Variants in UBE2D1 observed in about 807,000 individuals in gnomAD.
The protein encoded by UBE2D1 is ubiquitin conjugating enzyme E2 D1, also known as ubiquitin-conjugating enzyme E2 D1.
Under a neutral mutation model 24.6 loss-of-function variants are expected in UBE2D1, and 9 were observed. The observed-to-expected ratio is 0.37, with a 90% CI of 0.22 to 0.64. The LOEUF (loss-of-function observed/expected upper bound fraction) is 0.64. Among genes scored for constraint, UBE2D1 ranks in the 30% least tolerant of loss-of-function variants. The probability of loss-of-function intolerance (pLI) is 0.64; values close to 1 mark genes in which losing one functional copy is unlikely to be tolerated. For synonymous variants in UBE2D1, 57 were observed against 57.6 expected, an observed-to-expected ratio of 0.99 and a Z score of 0.04; for missense variants, 87 against 177.1, an observed-to-expected ratio of 0.49 and a Z score of 2.89.
intron 3 of UBE2D1, among the ~76,000 whole-genome samples, chr10:58,361,853 T>C (rs1168815633): frequency 6.6e-6 from 1 of 151,278 alleles, no homozygotes; most frequent in East Asian, 1.9e-4. Flanking sequence ...ATAATCATTC[T>C]CACATCCACA....
chr10:58,353,485 A>G (rs1840099035), intron 1 of UBE2D1, among the ~76,000 whole-genome samples: 1 of 152,172 alleles, frequency 6.6e-6, no homozygotes, highest in Non-Finnish European at 1.5e-5. Context: ...AGCAACCCAT[A>G]GCTGTGTCCT....
chr10:58,344,867 G>GTT (rs1304897036), intron 1 of UBE2D1, among the ~76,000 whole-genome samples: 6 of 130,678 alleles, frequency 4.6e-5, no homozygotes, highest in East Asian at 2.2e-4. Flanking sequence ...TAGTTTTTTT[G>GTT]TTTTTTTTTT....
chr10:58,368,471 G>T (rs1231231887), intron 6 of UBE2D1: 3 of 313,084 alleles, frequency 9.6e-6, no homozygotes, highest in Middle Eastern at 8.8e-4. Context: ...GTTAGAAGCT[G>T]GTTTCTGCAT....
chr10:58,361,660 T>C (rs1840200168), intron 3 of UBE2D1, 134 bp downstream of exon 3: 4 of 1,189,874 alleles, frequency 3.4e-6, no homozygotes, highest in Non-Finnish European at 3.6e-6. Context: ...CAAAATATTA[T>C]TAAGGATTTA....
chr10:58,368,008 CAAAGA>C lies in UBE2D1; in HGVS notation c.395_398+1del. ...ATATTGCACAAATCTATAAATCAGA[CAAAGA>C]AAAGTAAGTGTTTACTTATTTTAGT... On this transcript the variant is annotated frameshift_variant, in exon 6 of 7. Coordinates refer to ENST00000373910, the MANE Select transcript of UBE2D1 (RefSeq NM_003338.5). LOFTEE classifies it high-confidence loss of function. The C allele has an allele frequency of 1.2e-6, 2 of 1,606,550 alleles. No homozygotes were observed. The highest frequency in any genetic ancestry group is 1.7e-6 in the Non-Finnish European group (2 of 1,174,638).
chr10:58,352,591 G>GA (rs1379659741), intron 1 of UBE2D1, among the ~76,000 whole-genome samples: 9 of 149,100 alleles, frequency 6.0e-5, no homozygotes, highest in South Asian at 2.1e-4. Context: ...CTCTTAAATC[G>GA]AAAAAAAAAA....
intron 3 of UBE2D1, 71 bp from the exon 4 acceptor site, chr10:58,363,538 G>A: frequency 9.2e-7 from 1 of 1,088,744 alleles, no homozygotes; most frequent in Non-Finnish European, 1.3e-6. Flanking sequence ...GATAATATTT[G>A]GGGGAAATAA....
chr10:58,352,424 C>T lies in UBE2D1; in HGVS notation c.25-8914C>T, dbSNP rs182226338. On this transcript the variant is annotated intron_variant, in intron 1 of 6. Coordinates refer to ENST00000373910, the MANE Select transcript of UBE2D1 (RefSeq NM_003338.5). The stretch of plus-strand genomic sequence containing the variant: ...GGTCTGTGTGGCAAGATGGCAGCAG[C>T]CCTGAGTCCTACTTGTAATAACTGG... 3.3e-5 allele frequency among the ~76,000 whole-genome samples: 5 copies of T among 152,008 alleles called. No individual in the cohort carries two copies. The East Asian group carries it at 9.7e-4, about 30-fold the overall frequency.
At chr10:58,347,181 G>A (rs1453932890) in intron 1 of UBE2D1, among the ~76,000 whole-genome samples, 1 of 152,160 alleles carries the variant, frequency 6.6e-6, no homozygotes, top group African/African-American at 2.4e-5. Context: ...TATTTGATGG[G>A]CCTTCTGGGA....
chr10:58,368,023 G>T lies in UBE2D1; in HGVS notation c.398+7G>T. The stretch of plus-strand genomic sequence containing the variant: ...ATAAATCAGACAAAGAAAAGTAAGT[G>T]TTTACTTATTTTAGTTTCTGTATGG... On this transcript the variant is annotated splice_region_variant and intron_variant, in intron 6 of 6. Coordinates refer to ENST00000373910, the MANE Select transcript of UBE2D1 (RefSeq NM_003338.5). 6.3e-7 allele frequency: 1 copy of T among 1,591,150 alleles called. No individual in the cohort carries two copies.
At chr10:58,355,974 C>T (rs183539826) in intron 1 of UBE2D1, among the ~76,000 whole-genome samples, 88 of 152,102 alleles carry the variant, frequency 5.8e-4, no homozygotes, top group African/African-American at 2.0e-3. Context: ...CTCAGTCTTT[C>T]TTTCATTGTC....
chr10:58,344,959 C>T (rs1478454135), intron 1 of UBE2D1, among the ~76,000 whole-genome samples: 1 of 151,502 alleles, frequency 6.6e-6, no homozygotes, highest in East Asian at 2.0e-4. Context: ...CCACCTCCTG[C>T]GTTTAGGGGA....
Position 58,368,841 on chromosome 10 carries a change from ACT to A in UBE2D1, c.*77_*78del. 9 of 901,652 alleles carry A rather than the reference ACT, an allele frequency of 1.0e-5. No individual in the cohort carries two copies. Among genetic ancestry groups the A allele is most frequent in the Non-Finnish European group, 1.3e-5 (8 of 600,568 alleles). 55.9% of individuals were successfully genotyped at this position (901,652 alleles called of 1,614,324 possible). ...TTTCAACATTAGCAGTAAATTGAGC[ACT>A]GTTTACTGTTTCATTGTACCATGAA... On this transcript the variant is annotated 3_prime_UTR_variant, in exon 7 of 7. Transcript: ENST00000373910.
At chr10:58,335,337 C>T in intron 1 of UBE2D1, 112 bp downstream of exon 1, 1 of 1,232,558 alleles carries the variant, frequency 8.1e-7, no homozygotes, top group Non-Finnish European at 1.1e-6. Context: ...AAGGGTGGGC[C>T]GGGGTGCGGG....
chr10:58,335,140 C>G lies in UBE2D1; in HGVS notation c.-62C>G, dbSNP rs1839886857. ...CCAGCGAGCCCAACCCGCGACGACCCACGCCCCTGAGCCCCGCAGCCGACC... is the reference window on the plus strand; with the variant it reads ...CCAGCGAGCCCAACCCGCGACGACCGACGCCCCTGAGCCCCGCAGCCGACC... On this transcript the variant is annotated 5_prime_UTR_variant, in exon 1 of 7. Coordinates refer to ENST00000373910, the MANE Select transcript of UBE2D1 (RefSeq NM_003338.5). The G allele has an allele frequency of 1.3e-6, 2 of 1,522,582 alleles. No homozygotes were observed. The highest frequency in any genetic ancestry group is 2.5e-5 in the East Asian group (1 of 39,294). The allele number at this position is 1,522,582 out of a possible 1,614,324, so 94.3% of individuals were successfully genotyped here. A position where few individuals can be genotyped will look rare whatever the true frequency, so the allele number is the denominator to read the frequency against.
intron 1 of UBE2D1, among the ~76,000 whole-genome samples, chr10:58,335,663 G>A (rs938157526): frequency 6.6e-6 from 1 of 152,258 alleles, no homozygotes; most frequent in Non-Finnish European, 1.5e-5. Context: ...GGGAGGGCAA[G>A]GAAGGTGGGG....
At chr10:58,365,549 C>A (rs1840246847) in intron 5 of UBE2D1, among the ~76,000 whole-genome samples, 1 of 152,198 alleles carries the variant, frequency 6.6e-6, no homozygotes, top group Non-Finnish European at 1.5e-5. Flanking sequence ...GTGACTGACA[C>A]AAGATCTGTG....
In UBE2D1 at chr10:58,361,350, C is replaced by G. The variant is rs1278461257; in HGVS notation, c.37C>G (p.Leu13Val). The change falls in exon 2 of 7, where the codon CTA (leucine) becomes GTA (valine). Residue 13 changes from leucine to valine, a missense_variant. By Grantham distance (32) the Leu-to-Val change is conservative. Coordinates refer to ENST00000373910, the MANE Select transcript of UBE2D1 (RefSeq NM_003338.5). Reference sequence around the variant, plus strand: ...TGATTTCCTTCAGGAATTGAGTGATCTACAGCGCGATCCACCTGCTCACTG... The same window carrying G: ...TGATTTCCTTCAGGAATTGAGTGATGTACAGCGCGATCCACCTGCTCACTG... ...LKRIQKELSD[L>V]QRDPPAHCSA... The G allele has an allele frequency of 6.2e-7, 1 of 1,614,044 alleles. No individual in the cohort carries two copies.
At chr10:58,344,992 G>C (rs1398087778) in intron 1 of UBE2D1, among the ~76,000 whole-genome samples, 1 of 151,900 alleles carries the variant, frequency 6.6e-6, no homozygotes, top group Admixed American at 6.6e-5. Context: ...AGCCCCCTGA[G>C]TAGCTGGGTC....
Sources: gnomAD v4.1 joint callset for allele counts (sites outside exome capture counted in the v4.1 genomes callset) on GRCh38, gnomAD v4.1.1 for gene constraint, MANE v1.5 for transcripts, NCBI Gene and HGNC (gene_info 2026-07-23, HGNC 2026-07-21) for gene names.